Variants in CDIN1 observed in about 807,000 individuals in gnomAD.
CDIN1 encodes CDAN1 interacting nuclease 1.
CDIN1 carries 33 observed loss-of-function variants against 45.3 expected under a neutral mutation model. The observed-to-expected ratio is 0.73, with a 90% confidence interval of 0.55 to 0.97. The LOEUF (loss-of-function observed/expected upper bound fraction) is 0.97. Ranked by LOEUF, CDIN1 falls within the 50% of genes least tolerant of loss-of-function variation. CDIN1 has a pLI of 0.00. For missense variants in CDIN1, 303 were observed against 339.4 expected, an observed-to-expected ratio of 0.89 and a Z score of 0.84; for synonymous variants, 118 against 124.4, an observed-to-expected ratio of 0.95 and a Z score of 0.34.
At chr15:36,627,018 G>A (rs528426798) in intron 1 of CDIN1, 57 of 174,148 alleles carry the variant, frequency 3.3e-4, no homozygotes, top group Admixed American at 1.7e-3. Flanking sequence ...AGGTCTTGAT[G>A]GTGGAGGACA....
chr15:36,720,847 C>G (rs959839502), intron 10 of CDIN1, among the ~76,000 whole-genome samples: 1 of 152,134 alleles, frequency 6.6e-6, no homozygotes, highest in Non-Finnish European at 1.5e-5. Context: ...CTTGAGGGAT[C>G]GCCATACTGT....
At chr15:36,697,771 C>A (rs936124178) in intron 8 of CDIN1, among the ~76,000 whole-genome samples, 7 of 152,102 alleles carry the variant, frequency 4.6e-5, no homozygotes, top group Non-Finnish European at 7.4e-5. Flanking sequence ...ATATTTGTCT[C>A]ATATATGGAA....
intron 7 of CDIN1, among the ~76,000 whole-genome samples, chr15:36,692,579 G>C (rs2042294615): frequency 6.6e-6 from 1 of 152,164 alleles, no homozygotes; most frequent in Non-Finnish European, 1.5e-5. Context: ...TTTAGAGCCT[G>C]GAGTTAAAGG....
At chr15:36,800,901 G>GTATATATATA (rs1566984259) in intron 10 of CDIN1, among the ~76,000 whole-genome samples, 8 of 22,380 alleles carry the variant, frequency 3.6e-4, no homozygotes, top group Non-Finnish European at 7.5e-4. Context: ...GTGTGTGTGT[G>GTATATATATA]TGTGTGTGTA....
intron 10 of CDIN1, among the ~76,000 whole-genome samples, chr15:36,780,848 A>C (rs971609167): frequency 1.3e-5 from 2 of 152,230 alleles, no homozygotes; most frequent in African/African-American, 4.8e-5. Flanking sequence ...GTCCAACTCC[A>C]AGGACATTTC....
chr15:36,662,894 A>G (rs1326658580), intron 5 of CDIN1, among the ~76,000 whole-genome samples: 1 of 84,660 alleles, frequency 1.2e-5, no homozygotes, highest in Non-Finnish European at 2.3e-5. Flanking sequence ...TATTTTCATT[A>G]TACTTACTGG....
Position 36,808,399 on chromosome 15 carries a change from G to A in CDIN1, c.792G>A (p.Leu264=). 6.2e-7 allele frequency: 1 copy of A among 1,613,576 alleles called. No individual in the cohort carries two copies. The highest frequency in any genetic ancestry group is 8.5e-7 in the Non-Finnish European group (1 of 1,179,632). ...ELDCNRERGI[L]LKACFPTNIV... ...ACTGCAACCGGGAAAGGGGCATCCT[G>A]CTCAAAGCCTGTTTCCCCACGAACA... Residue 264 remains leucine (L), a synonymous_variant, in exon 11 of 11, where the codon CTG becomes CTA. Coordinates refer to ENST00000566621, the MANE Select transcript of CDIN1 (RefSeq NM_001321759.2).
intron 10 of CDIN1, among the ~76,000 whole-genome samples, chr15:36,751,621 A>G (rs2053473282): frequency 6.6e-6 from 1 of 152,094 alleles, no homozygotes; most frequent in Admixed American, 6.6e-5. Flanking sequence ...TAGAAATACC[A>G]TTTGACCCAG....
At chr15:36,783,360 T>C (rs1359128636) in intron 10 of CDIN1, among the ~76,000 whole-genome samples, 1 of 146,134 alleles carries the variant, frequency 6.8e-6, no homozygotes, top group African/African-American at 2.5e-5. Flanking sequence ...TTTTTTTTTT[T>C]AATGCTGTTT....
At chr15:36,746,538 T>A (rs1363726037) in intron 10 of CDIN1, among the ~76,000 whole-genome samples, 1 of 152,124 alleles carries the variant, frequency 6.6e-6, no homozygotes, top group African/African-American at 2.4e-5. Context: ...GGAATTGAAC[T>A]GAGTGCTTCT....
chr15:36,599,669 C>G (rs1272955779), intron 1 of CDIN1, among the ~76,000 whole-genome samples: 3 of 152,084 alleles, frequency 2.0e-5, no homozygotes, highest in Non-Finnish European at 4.4e-5. Flanking sequence ...AAAAATTGCA[C>G]TATTTGTATT....
intron 10 of CDIN1, among the ~76,000 whole-genome samples, chr15:36,786,363 TATA>T (rs2054490677): frequency 3.3e-5 from 5 of 152,200 alleles, no homozygotes; most frequent in Admixed American, 6.5e-5. Flanking sequence ...CCTAAAAAAT[TATA>T]ATATTTCTGA....
intron 10 of CDIN1, chr15:36,799,405 C>G (rs2054934120): frequency 6.6e-6 from 1 of 152,158 alleles, no homozygotes; most frequent in South Asian, 2.1e-4. Context: ...GAAACTCATC[C>G]TCCCGTTTCC....
At chr15:36,584,831 C>T (rs1044090178) in intron 1 of CDIN1, among the ~76,000 whole-genome samples, 1 of 152,206 alleles carries the variant, frequency 6.6e-6, no homozygotes, top group Admixed American at 6.5e-5. Flanking sequence ...ATGCAAACTC[C>T]ACACAGACAG....
Position 36,699,641 on chromosome 15 carries a change from C to T in CDIN1, c.544+2251C>T, listed in dbSNP as rs187781000. Among the ~76,000 whole-genome samples, 554 of 152,006 alleles carry T rather than the reference C, an allele frequency of 3.6e-3. 6 individuals carry two copies. The highest frequency in any genetic ancestry group is 3.0e-3 in the Admixed American group (46 of 15,248). On this transcript the variant is annotated intron_variant, in intron 8 of 10. Coordinates refer to ENST00000566621, the MANE Select transcript of CDIN1 (RefSeq NM_001321759.2). ...TATGACTTTCCCTAAAATATTTTACCCCATTCTAAATTTGCCACACATTGT... is the reference window on the plus strand; with the variant it reads ...TATGACTTTCCCTAAAATATTTTACTCCATTCTAAATTTGCCACACATTGT...
chr15:36,728,550 CTTTT>C (rs373887720), intron 10 of CDIN1, among the ~76,000 whole-genome samples: 2 of 138,900 alleles, frequency 1.4e-5, no homozygotes, highest in African/African-American at 5.2e-5. Context: ...GTTTTTCTTC[CTTTT>C]TTTTTTTTTT....
At chr15:36,585,219 G>C (rs958025314) in intron 1 of CDIN1, among the ~76,000 whole-genome samples, 2 of 152,066 alleles carry the variant, frequency 1.3e-5, no homozygotes, top group African/African-American at 2.4e-5. Flanking sequence ...CCTTCACCCA[G>C]CTTCTCTTAA....
At chr15:36,626,954 T>C in intron 1 of CDIN1, 1 of 189,418 alleles carries the variant, frequency 5.3e-6, no homozygotes, top group Non-Finnish European at 1.1e-5. Context: ...CTTGATGACC[T>C]CATCCATGGA....
chr15:36,662,980 A>T (rs2041081968), intron 5 of CDIN1, among the ~76,000 whole-genome samples: 1 of 151,324 alleles, frequency 6.6e-6, no homozygotes, highest in Non-Finnish European at 1.5e-5. Context: ...TTTATGGAGC[A>T]TTTCAGATTT....
Sources: allele counts gnomAD v4.1 joint callset (sites outside exome capture counted in the v4.1 genomes callset), GRCh38; gene constraint gnomAD v4.1.1; transcripts MANE v1.5; gene names NCBI Gene and HGNC (gene_info 2026-07-23, HGNC 2026-07-21).